The following ABCB11 variants were observed in gnomAD, a reference collection of about 807,000 sequenced individuals.
The protein encoded by ABCB11 is bile salt export pump.
A neutral mutation model predicts 148.0 loss-of-function variants in ABCB11; 95 were observed. The observed-to-expected ratio is 0.64, with a 90% confidence interval of 0.54 to 0.76. The LOEUF is 0.76. ABCB11 is among the 30% of genes least tolerant of loss of function. ABCB11 has a pLI of 0.00. For missense variants in ABCB11, 1,523 were observed against 1,617.8 expected, an observed-to-expected ratio of 0.94 and a Z score of 1.01; for synonymous variants, 591 against 555.4, an observed-to-expected ratio of 1.06 and a Z score of -0.90.
chr2:168,976,743 A>C, intron 11 of ABCB11, 56 bp from the exon 12 acceptor site: 79 of 1,025,032 alleles, frequency 7.7e-5, no homozygotes, highest in Non-Finnish European at 1.1e-4. Flanking sequence ...TGCACAACTC[A>C]ATTCAAATTG....
rs917983349 is a variant in ABCB11, at chr2:168,970,229, G to A, written c.1639-14C>T. 3 of 1,608,562 alleles carry A rather than the reference G, an allele frequency of 1.9e-6. No homozygotes were observed. The highest frequency in any genetic ancestry group is 2.5e-6 in the Non-Finnish European group (3 of 1,176,974). The stretch of plus-strand genomic sequence containing the variant: ...GGTGTCAAATTGCTAGATGGAAGGT[G>A]ACACCAGTCATGAAGGGAAAAGAAT... On this transcript the variant is annotated splice_polypyrimidine_tract_variant and intron_variant, in intron 14 of 27. Transcript: ENST00000650372.
intron 5 of ABCB11, among the ~76,000 whole-genome samples, chr2:168,998,315 A>G (rs1573959590): frequency 6.6e-6 from 1 of 151,918 alleles, no homozygotes; most frequent in African/African-American, 2.4e-5. Context: ...AGGGGGAGGG[A>G]TGGGGAGAGG....
chr2:168,929,449 T>C (rs1042742286), intron 25 of ABCB11, among the ~76,000 whole-genome samples: 7 of 152,166 alleles, frequency 4.6e-5, no homozygotes, highest in Non-Finnish European at 8.8e-5. Flanking sequence ...AAATATAATG[T>C]AAATGTAACT....
At chr2:168,957,814 G>C in intron 19 of ABCB11, 150 bp downstream of exon 19, 1 of 713,928 alleles carries the variant, frequency 1.4e-6, no homozygotes, top group East Asian at 3.0e-5. Flanking sequence ...CCCTCTGTGT[G>C]ATGGAGGCTT....
chr2:168,973,894 A>G, intron 12 of ABCB11, 54 bp from the exon 13 acceptor site: 1 of 1,592,830 alleles, frequency 6.3e-7, no homozygotes, highest in Non-Finnish European at 8.6e-7. Context: ...ACCAAATCAA[A>G]CAATTAGGCT....
At chr2:168,925,195 C>T (rs769464763) in intron 26 of ABCB11, among the ~76,000 whole-genome samples, 3 of 152,134 alleles carry the variant, frequency 2.0e-5, no homozygotes, top group East Asian at 1.9e-4. Flanking sequence ...ATGTCTTTTG[C>T]GAGATCTTCT....
At chr2:168,951,303 A>T (rs1190547126) in intron 19 of ABCB11, among the ~76,000 whole-genome samples, 1 of 151,410 alleles carries the variant, frequency 6.6e-6, no homozygotes, top group Non-Finnish European at 1.5e-5. Flanking sequence ...GACATTGGTA[A>T]TTTGATAGTG....
At chr2:168,973,653 A>T in intron 13 of ABCB11, 62 bp downstream of exon 13, 1 of 1,578,508 alleles carries the variant, frequency 6.3e-7, no homozygotes, top group Non-Finnish European at 8.7e-7. Flanking sequence ...CTGTTTGATC[A>T]ATATACTGCC....
chr2:168,966,007 G>C (rs1056064012), intron 17 of ABCB11, among the ~76,000 whole-genome samples: 3 of 151,712 alleles, frequency 2.0e-5, no homozygotes, highest in African/African-American at 7.3e-5. Context: ...GACTCATTAT[G>C]ACCAGGCATT....
intron 5 of ABCB11, 110 bp downstream of exon 5, chr2:169,013,158 CTCTT>C (rs1695238877): frequency 1.4e-6 from 1 of 717,714 alleles, no homozygotes; most frequent in African/African-American, 1.8e-5. Flanking sequence ...TGTTTCTATT[CTCTT>C]TGTGTTAGAT....
At chr2:168,942,351 A>C (rs1249984688) in intron 21 of ABCB11, among the ~76,000 whole-genome samples, 1 of 151,842 alleles carries the variant, frequency 6.6e-6, no homozygotes, top group Admixed American at 6.6e-5. Flanking sequence ...AATAAAAATA[A>C]ATTTTTAGAA....
chr2:169,014,950 T>C (rs1157366899), intron 3 of ABCB11, among the ~76,000 whole-genome samples: 1 of 152,154 alleles, frequency 6.6e-6, no homozygotes, highest in African/African-American at 2.4e-5. Flanking sequence ...GAATACACCC[T>C]GGACCTTGCT....
chr2:168,995,343 A>G lies in ABCB11; in HGVS notation c.611+6T>C, dbSNP rs990600530. ...ACACTAAAATACTGTTTTACCAGCT[A>G]CTTACTCAGAGAATCTTGTATTCAG... On this transcript the variant is annotated splice_donor_region_variant and intron_variant, in intron 7 of 27. Transcript: ENST00000650372. The G allele has an allele frequency of 6.2e-7, 1 of 1,611,084 alleles. No homozygotes were observed. Among genetic ancestry groups the G allele is most frequent in the Non-Finnish European group, 8.5e-7 (1 of 1,178,266 alleles).
chr2:168,975,241 T>A lies in ABCB11; in HGVS notation c.1308+1336A>T, dbSNP rs12996022. Among the ~76,000 whole-genome samples, 101 of 76,762 alleles carry A rather than the reference T, an allele frequency of 1.3e-3. 8 individuals carry two copies. The highest frequency in any genetic ancestry group is 6.2e-3 in the African/African-American group (90 of 14,596). The allele number at this position is 76,762 out of a possible 152,430, so 50.4% of individuals were successfully genotyped here. On this transcript the variant is annotated intron_variant, in intron 12 of 27. Transcript: ENST00000650372. The stretch of plus-strand genomic sequence containing the variant: ...TATTTATAGATAAATATATAAATAT[T>A]TAAATATTTTTATATTTAAATATTT...
intron 9 of ABCB11, among the ~76,000 whole-genome samples, chr2:168,987,989 T>TTG (rs368771044): frequency 0.044 from 6,628 of 151,326 alleles, 159 homozygotes; most frequent in African/African-American, 0.066. Flanking sequence ...CATACTTATA[T>TTG]TGTGTGTGTG....
intron 14 of ABCB11, among the ~76,000 whole-genome samples, chr2:168,971,039 G>C (rs1046662109): frequency 2.0e-5 from 3 of 151,968 alleles, no homozygotes; most frequent in Non-Finnish European, 4.4e-5. Flanking sequence ...AATTTAGAAG[G>C]CTGAAAGGGA....
chr2:169,010,118 A>G (rs1573974024), intron 5 of ABCB11, among the ~76,000 whole-genome samples: 1 of 152,270 alleles, frequency 6.6e-6, no homozygotes, highest in East Asian at 1.9e-4. Context: ...ACTCCTTCCA[A>G]ATTACACCAG....
At chr2:168,923,902 G>C in intron 27 of ABCB11, 80 bp from the exon 28 acceptor site, 1 of 1,352,732 alleles carries the variant, frequency 7.4e-7, no homozygotes, top group East Asian at 2.3e-5. Context: ...CAGTTAACAC[G>C]ACCTGAATAA....
At chr2:169,001,872 C>A (rs142230612) in intron 5 of ABCB11, among the ~76,000 whole-genome samples, 1 of 152,050 alleles carries the variant, frequency 6.6e-6, no homozygotes, top group Non-Finnish European at 1.5e-5. Flanking sequence ...TACTTGGCTC[C>A]TGAGGGCTCT....
Sources: gnomAD v4.1 joint callset for allele counts (sites outside exome capture counted in the v4.1 genomes callset) on GRCh38, gnomAD v4.1.1 for gene constraint, MANE v1.5 for transcripts, NCBI Gene and HGNC (gene_info 2026-07-23, HGNC 2026-07-21) for gene names.